The following GRIA4 variants were observed in gnomAD, a reference collection of about 807,000 sequenced individuals.
GRIA4 encodes the protein glutamate ionotropic receptor AMPA type subunit 4.
A neutral mutation model predicts 104.0 loss-of-function variants in GRIA4; 34 were observed. That is an observed-to-expected ratio of 0.33 (90% CI 0.25 to 0.44). The LOEUF (loss-of-function observed/expected upper bound fraction) is 0.44, where lower values mean the gene tolerates loss of function less well. Among genes scored for constraint, GRIA4 ranks in the 20% least tolerant of loss-of-function variants. The pLI is 1.00. For missense variants in GRIA4, 750 were observed against 1,096.5 expected (o/e 0.68, Z 4.46); for synonymous variants, 386 against 381.9 (o/e 1.01, Z -0.13).
intron 3 of GRIA4, among the ~76,000 whole-genome samples, chr11:105,662,911 G>A (rs1369242275): frequency 6.6e-6 from 1 of 151,678 alleles, no homozygotes; most frequent in African/African-American, 2.4e-5. Flanking sequence ...TCATTGTAGC[G>A]ACACTCACAC....
chr11:105,945,517 T>C, intron 14 of GRIA4: 2 of 914,082 alleles, frequency 2.2e-6, no homozygotes, highest in Non-Finnish European at 2.6e-6. Context: ...AGGGGAGTTT[T>C]CTTTCAAAAG....
chr11:105,828,785 GT>G (rs1356011873), intron 4 of GRIA4, among the ~76,000 whole-genome samples: 1 of 151,932 alleles, frequency 6.6e-6, no homozygotes, highest in Non-Finnish European at 1.5e-5. Flanking sequence ...TGGGAAATGG[GT>G]TAACTGAAAT....
Position 105,671,086 on chromosome 11 carries a change from T to C in GRIA4, c.247+58652T>C, listed in dbSNP as rs78560635. Among the ~76,000 whole-genome samples, 456 of 152,278 alleles carry C rather than the reference T, an allele frequency of 3.0e-3. 6 individuals are homozygous for C. The highest frequency in any genetic ancestry group is 0.011 in the African/African-American group (448 of 41,578). On this transcript the variant is annotated intron_variant, in intron 3 of 16. Coordinates refer to ENST00000282499, the MANE Select transcript of GRIA4 (RefSeq NM_000829.4). Reference sequence around the variant, plus strand: ...CACAGCTGGTTGCTTTTATGGATTCTTGTGATTACATCAGACCCACCTGGG... The same window carrying C: ...CACAGCTGGTTGCTTTTATGGATTCCTGTGATTACATCAGACCCACCTGGG...
rs141708226 is a variant in GRIA4 at position 105,972,647 on chromosome 11, C to CT, written c.2409+625dup. Among the ~76,000 whole-genome samples the CT allele has an allele frequency of 0.014, 2,087 of 151,984 alleles. 122 individuals are homozygous for CT. The East Asian group carries it at 0.19, about 14-fold the overall frequency. ...TTCTAAGATCTCTTAATCATAAATT[C>CT]TTTTTTAAACAATGCAGGAAAAAAA... On this transcript the variant is annotated intron_variant, in intron 15 of 16. Transcript: ENST00000282499.
chr11:105,681,053 T>A (rs1375941163), intron 3 of GRIA4, among the ~76,000 whole-genome samples: 1 of 152,198 alleles, frequency 6.6e-6, no homozygotes, highest in Non-Finnish European at 1.5e-5. Context: ...ACTGGTATAC[T>A]TCTAACGCCA....
chr11:105,826,673 C>T (rs1283577462), intron 4 of GRIA4, among the ~76,000 whole-genome samples: 2 of 152,006 alleles, frequency 1.3e-5, no homozygotes, highest in African/African-American at 4.8e-5. Flanking sequence ...TCGGAAGTCA[C>T]ATATTTCTCG....
At chr11:105,723,161 AT>A (rs1237152229) in intron 3 of GRIA4, among the ~76,000 whole-genome samples, 10 of 77,526 alleles carry the variant, frequency 1.3e-4, no homozygotes, top group Non-Finnish European at 2.0e-4. Context: ...GCAGTGAGCA[AT>A]CAATGAGAAA....
At chr11:105,748,964 G>A (rs995458030) in intron 3 of GRIA4, among the ~76,000 whole-genome samples, 3 of 152,144 alleles carry the variant, frequency 2.0e-5, no homozygotes, top group Admixed American at 2.0e-4. Flanking sequence ...AATTAAAGCC[G>A]CAGAATTGGA....
chr11:105,860,300 G>C (rs974721091), intron 4 of GRIA4, among the ~76,000 whole-genome samples: 3 of 152,038 alleles, frequency 2.0e-5, no homozygotes, highest in Non-Finnish European at 2.9e-5. Flanking sequence ...CTGACATGTA[G>C]AAAACATACC....
intron 3 of GRIA4, among the ~76,000 whole-genome samples, chr11:105,661,364 C>T (rs1158518434): frequency 6.6e-6 from 1 of 150,908 alleles, no homozygotes; most frequent in East Asian, 1.9e-4. Flanking sequence ...CAGTCACTAC[C>T]CCCTAGAAAT....
chr11:105,630,803 C>A (rs1288593782), intron 3 of GRIA4, among the ~76,000 whole-genome samples: 1 of 152,062 alleles, frequency 6.6e-6, no homozygotes, highest in African/African-American at 2.4e-5. Context: ...TCATAAAGAT[C>A]ATTACTCATT....
At chr11:105,847,347 C>G (rs1005604626) in intron 4 of GRIA4, among the ~76,000 whole-genome samples, 3 of 152,152 alleles carry the variant, frequency 2.0e-5, no homozygotes, top group Admixed American at 6.5e-5. Flanking sequence ...TGCTGTGTAG[C>G]CAAGTTGCTA....
At position 105,753,191 on chromosome 11, in the gene GRIA4, G is replaced by A. The variant is rs1400922262; in HGVS notation, c.458G>A (p.Cys153Tyr). ...LSLLDHYEWN[C>Y]FVFLYDTDRG... Reference sequence around the variant, plus strand: ...TTGCTGGATCACTACGAATGGAACTGTTTTGTCTTCCTGTATGACACAGAC... The same window carrying A: ...TTGCTGGATCACTACGAATGGAACTATTTTGTCTTCCTGTATGACACAGAC... The change falls in exon 4 of 17, where the codon TGT becomes TAT. Residue 153 changes from cysteine (C) to tyrosine (Y), a missense_variant. Transcript: ENST00000282499. 1 of 1,613,712 alleles carries A rather than the reference G, an allele frequency of 6.2e-7. No individual in the cohort carries two copies. Among genetic ancestry groups the A allele is most frequent in the South Asian group, 1.1e-5 (1 of 91,078 alleles).
At chr11:105,753,503 C>T (rs1400458066) in intron 4 of GRIA4, among the ~76,000 whole-genome samples, 1 of 152,166 alleles carries the variant, frequency 6.6e-6, no homozygotes, top group Non-Finnish European at 1.5e-5. Context: ...TGCTCTCACA[C>T]AACAATCAAC....
chr11:105,949,763 T>C (rs1948415882), intron 14 of GRIA4, among the ~76,000 whole-genome samples: 2 of 152,196 alleles, frequency 1.3e-5, no homozygotes, highest in African/African-American at 4.8e-5. Context: ...AATGTTCTAA[T>C]ATGAGTTTGG....
At chr11:105,738,234 G>A (rs1390231463) in intron 3 of GRIA4, among the ~76,000 whole-genome samples, 1 of 152,060 alleles carries the variant, frequency 6.6e-6, no homozygotes, top group Non-Finnish European at 1.5e-5. Flanking sequence ...ATACAATGAG[G>A]AATTATTCAT....
chr11:105,804,545 AC>A (rs1346357827), intron 4 of GRIA4, among the ~76,000 whole-genome samples: 1 of 152,026 alleles, frequency 6.6e-6, no homozygotes, highest in African/African-American at 2.4e-5. Flanking sequence ...CAGAAAAATG[AC>A]AGTAGACATA....
intron 4 of GRIA4, among the ~76,000 whole-genome samples, chr11:105,837,759 T>A (rs2135949698): frequency 6.6e-6 from 1 of 152,304 alleles, no homozygotes; most frequent in African/African-American, 2.4e-5. Context: ...AAAAATTCTA[T>A]TATTATATTT....
intron 14 of GRIA4, among the ~76,000 whole-genome samples, chr11:105,941,128 A>G (rs897174034): frequency 6.6e-6 from 1 of 152,200 alleles, no homozygotes; most frequent in African/African-American, 2.4e-5. Context: ...CTTCTCAGAA[A>G]CAAGCATTAT....
Sources: gnomAD v4.1 joint callset for allele counts (sites outside exome capture counted in the v4.1 genomes callset) on GRCh38, gnomAD v4.1.1 for gene constraint, MANE v1.5 for transcripts, NCBI Gene and HGNC (gene_info 2026-07-23, HGNC 2026-07-21) for gene names.